The following ZNF605 variants were observed in gnomAD, a reference collection of about 807,000 sequenced individuals.
ZNF605 encodes zinc finger protein 605.
ZNF605 carries 9 observed loss-of-function variants against 7.9 expected under a neutral mutation model. The observed-to-expected ratio is 1.14, with a 90% confidence interval of 0.68 to 1.98. The LOEUF is 1.98. ZNF605 is among the 30% of genes most tolerant of loss of function. ZNF605 has a pLI of 0.00. For synonymous variants in ZNF605, 255 were observed against 260.1 expected, an observed-to-expected ratio of 0.98 and a Z score of 0.19; for missense variants, 673 against 762.4, an observed-to-expected ratio of 0.88 and a Z score of 1.38.
rs1952253544 is a variant in ZNF605 at position 132,926,901 on chromosome 12, G to A, written c.398C>T (p.Pro133Leu). 3.7e-6 allele frequency: 6 copies of A among 1,613,588 alleles called. No individual in the cohort carries two copies. In the South Asian group the frequency reaches 6.6e-5, roughly 18 times the overall value. ...TTTTATCCCACCATGGGTTCTGCCA[G>A]GTTTGATACAGAACAATAATTTCTT... The part of the protein sequence containing the change: ...LNKKLLFCIK[P>L]GRTHGGIKYC... The change falls in exon 5 of 5, where the codon CCT becomes CTT. Residue 133 changes from proline to leucine, a missense_variant. Physicochemically the swap from Pro to Leu is moderately conservative, Grantham distance 98 (BLOSUM62 -3). Transcript: ENST00000360187.
chr12:132,954,647 T>A (rs1467966189), intron 1 of ZNF605, among the ~76,000 whole-genome samples: 1 of 151,216 alleles, frequency 6.6e-6, no homozygotes, highest in African/African-American at 2.4e-5. Flanking sequence ...TAATCCCTTA[T>A]CCCCGGGGCC....
At chr12:132,931,377 A>T (rs1210235594) in intron 4 of ZNF605, among the ~76,000 whole-genome samples, 5 of 152,172 alleles carry the variant, frequency 3.3e-5, no homozygotes, top group Admixed American at 3.3e-4. Flanking sequence ...ATGGGGAAAA[A>T]AATCTTAGGA....
intron 4 of ZNF605, among the ~76,000 whole-genome samples, chr12:132,931,766 A>T (rs1420047799): frequency 6.6e-6 from 1 of 152,212 alleles, no homozygotes; most frequent in African/African-American, 2.4e-5. Context: ...CAGGTAATGG[A>T]GACTTAAACC....
Position 132,920,338 on chromosome 12 carries a change from A to C in ZNF605, c.*5035T>G, listed in dbSNP as rs551699230. ...GTATTTTTAGTAGAGACGGGGTTTC[A>C]CCGTGTTAGCCAGGATGGTCTCGAT... On this transcript the variant is annotated 3_prime_UTR_variant, in exon 5 of 5. Transcript: ENST00000360187. The C allele has an allele frequency of 1.3e-5, 2 of 151,460 alleles. No individual in the cohort carries two copies. Among genetic ancestry groups the C allele is most frequent in the Admixed American group, 6.6e-5 (1 of 15,196 alleles). The allele number at this position is 151,460 out of a possible 1,614,324, so 9.4% of individuals were successfully genotyped here.
chr12:132,933,003 C>T lies in ZNF605; in HGVS notation c.136+32G>A, dbSNP rs1424131558. ...AAACACCTCACAGGCCAGTTACTGG[C>T]CATACACTAAGTTACATAAGAATGT... is the stretch of plus-strand genomic sequence containing the variant. On this transcript the variant is annotated intron_variant, in intron 4 of 4. Coordinates refer to ENST00000360187, the MANE Select transcript of ZNF605 (RefSeq NM_183238.4). The surrounding 1 kb of genome is among the most constrained non-coding windows in gnomAD (Gnocchi z 4.4). 2.6e-6 allele frequency: 4 copies of T among 1,552,078 alleles called. No homozygotes were observed. The highest frequency in any genetic ancestry group is 3.9e-5 in the Admixed American group (2 of 51,052).
intron 1 of ZNF605, among the ~76,000 whole-genome samples, chr12:132,951,713 GCACA>G (rs1327324720): frequency 6.6e-6 from 1 of 151,152 alleles, no homozygotes; most frequent in Non-Finnish European, 1.5e-5. Flanking sequence ...CACCACACAT[GCACA>G]CACAATGATA....
chr12:132,938,137 C>A (rs372413988), intron 3 of ZNF605, among the ~76,000 whole-genome samples: 1 of 151,920 alleles, frequency 6.6e-6, no homozygotes, highest in South Asian at 2.1e-4. Flanking sequence ...CCTGCCACTA[C>A]GCCCGGCTAA....
chr12:132,934,514 T>C (rs892437232), intron 3 of ZNF605, among the ~76,000 whole-genome samples: 69 of 152,032 alleles, frequency 4.5e-4, no homozygotes, highest in Non-Finnish European at 8.8e-4. Context: ...GAGACCAGCC[T>C]GGCCAGCACT....
Position 132,920,471 on chromosome 12 carries a change from G to A in ZNF605, c.*4902C>T, listed in dbSNP as rs889141013. ...TTTAATGTTAGCATTCTGACAAGAT[G>A]TTAAATGACCCGGATACAATGAGTA... On this transcript the variant is annotated 3_prime_UTR_variant, in exon 5 of 5. Transcript: ENST00000360187. 9.2e-5 allele frequency: 14 copies of A among 152,216 alleles called. No individual in the cohort carries two copies. The highest frequency in any genetic ancestry group is 3.1e-4 in the African/African-American group (13 of 41,448). The allele number at this position is 152,216 out of a possible 1,614,324, so 9.4% of individuals were successfully genotyped here.
intron 1 of ZNF605, among the ~76,000 whole-genome samples, chr12:132,955,696 C>T (rs1952629736): frequency 6.6e-6 from 1 of 152,102 alleles, no homozygotes; most frequent in South Asian, 2.1e-4. Context: ...AAGCAAGCCC[C>T]TAAGCCCTCC....
intron 1 of ZNF605, among the ~76,000 whole-genome samples, chr12:132,950,080 A>C (rs1952541528): frequency 1.3e-5 from 2 of 151,950 alleles, no homozygotes. Flanking sequence ...GGAGGCCCAG[A>C]GAGAAGCCCT....
chr12:132,954,807 G>A (rs1952618040), intron 1 of ZNF605, among the ~76,000 whole-genome samples: 1 of 151,862 alleles, frequency 6.6e-6, no homozygotes, highest in African/African-American at 2.4e-5. Flanking sequence ...CTCCAATGAC[G>A]CCAAGTATGA....
At chr12:132,947,450 C>G (rs1952505955) in intron 2 of ZNF605, among the ~76,000 whole-genome samples, 1 of 151,980 alleles carries the variant, frequency 6.6e-6, no homozygotes, top group Non-Finnish European at 1.5e-5. Context: ...GTAGCTGGGA[C>G]TATAGGTGTA....
Position 132,925,503 on chromosome 12 carries a change from G to T in ZNF605, c.1796C>A (p.Thr599Lys). 1 of 1,614,074 alleles carries T rather than the reference G, an allele frequency of 6.2e-7. No individual in the cohort carries two copies. The highest frequency in any genetic ancestry group is 8.5e-7 in the Non-Finnish European group (1 of 1,179,994). The change falls in exon 5 of 5, where the codon ACA becomes AAA. Residue 599 changes from threonine (T) to lysine (K), a missense_variant. By Grantham distance (78) the Thr-to-Lys change is moderately conservative (BLOSUM62 -1). Coordinates refer to ENST00000360187, the MANE Select transcript of ZNF605 (RefSeq NM_183238.4). ...YKCGECGKSF[T>K]RKSHLMRHQR... ...ATGCCTCATAAGGTGTGACTTTCTTGTGAAAGATTTCCCACATTCACCACA... is the reference window on the plus strand; with the variant it reads ...ATGCCTCATAAGGTGTGACTTTCTTTTGAAAGATTTCCCACATTCACCACA...
At position 132,921,275 on chromosome 12, in the gene ZNF605, A is replaced by G. The variant is rs940521773; in HGVS notation, c.*4098T>C. 5 of 152,198 alleles carry G rather than the reference A, an allele frequency of 3.3e-5. No homozygotes were observed. Among genetic ancestry groups the G allele is most frequent in the Non-Finnish European group, 7.3e-5 (5 of 68,032 alleles). The allele number at this position is 152,198 out of a possible 1,614,324, so 9.4% of individuals were successfully genotyped here. ...TGTGAGACACCACCCCCAGTTGAAA[A>G]GTTACTTTGGATATAACTGATTTGA... On this transcript the variant is annotated 3_prime_UTR_variant, in exon 5 of 5. Coordinates refer to ENST00000360187, the MANE Select transcript of ZNF605 (RefSeq NM_183238.4).
In ZNF605 at chr12:132,918,598, G is replaced by C. The variant is rs1186262213; in HGVS notation, c.*6775C>G. The C allele has an allele frequency of 6.6e-6, 1 of 152,214 alleles. No homozygotes were observed. The highest frequency in any genetic ancestry group is 1.5e-5 in the Non-Finnish European group (1 of 68,078). The allele number at this position is 152,214 out of a possible 1,614,324, so 9.4% of individuals were successfully genotyped here. A position where few individuals can be genotyped will look rare whatever the true frequency, so the allele number is the denominator to read the frequency against. Reference sequence around the variant, plus strand: ...CCACCCTTGTTTTCTCTTTTTTTGAGACGGAGTCTCACTCTGTTGCTCAGG... The same window carrying C: ...CCACCCTTGTTTTCTCTTTTTTTGACACGGAGTCTCACTCTGTTGCTCAGG... On this transcript the variant is annotated 3_prime_UTR_variant, in exon 5 of 5. Transcript: ENST00000360187.
Position 132,941,191 on chromosome 12 carries a change from C to T in ZNF605, c.15+4430G>A, listed in dbSNP as rs1180201159. On this transcript the variant is annotated intron_variant, in intron 3 of 4. Transcript: ENST00000360187. This position sits in a 1 kb window ranked among gnomAD's most constrained non-coding sequence, Gnocchi z 5.1. ...CAAGCAGATATGTGACTGACCGCCT[C>T]ATGGAGCCATGAGAAACGTCCCACA... is the stretch of plus-strand genomic sequence containing the variant. Among the ~76,000 whole-genome samples the T allele has an allele frequency of 1.7e-4, 26 of 152,192 alleles. No individual in the cohort carries two copies. The highest frequency in any genetic ancestry group is 5.1e-4 in the African/African-American group (21 of 41,530).
chr12:132,954,721 C>T (rs1310893074), intron 1 of ZNF605, among the ~76,000 whole-genome samples: 1 of 151,826 alleles, frequency 6.6e-6, no homozygotes, highest in Non-Finnish European at 1.5e-5. Context: ...CATTCACTGA[C>T]ATTCCCACAG....
intron 2 of ZNF605, among the ~76,000 whole-genome samples, chr12:132,946,868 C>A (rs1443609753): frequency 6.6e-6 from 1 of 152,226 alleles, no homozygotes; most frequent in East Asian, 1.9e-4. Context: ...TCACGCGCAT[C>A]TCCAGACCAC....
Sources: allele counts gnomAD v4.1 joint callset (sites outside exome capture counted in the v4.1 genomes callset), GRCh38; gene constraint gnomAD v4.1.1; non-coding constraint Gnocchi (gnomAD v3.1); transcripts MANE v1.5; gene names NCBI Gene and HGNC (gene_info 2026-07-23, HGNC 2026-07-21).